The following KCNH1 variants were observed in gnomAD, a reference collection of about 807,000 sequenced individuals.
KCNH1 encodes the protein voltage-gated delayed rectifier potassium channel KCNH1.
KCNH1 carries 27 observed loss-of-function variants against 69.2 expected under a neutral mutation model. The ratio of observed to expected loss-of-function variants is 0.39; its 90% CI spans 0.29 to 0.54. KCNH1 has a LOEUF of 0.54. KCNH1 is among the 20% of genes least tolerant of loss of function. The pLI, the probability that KCNH1 is intolerant of heterozygous loss-of-function variation, is 0.68. For missense variants in KCNH1, 798 were observed against 1,261.6 expected, an observed-to-expected ratio of 0.63 and a Z score of 5.57; for synonymous variants, 456 against 487.7, an observed-to-expected ratio of 0.93 and a Z score of 0.86.
chr1:210,742,550 T>C (rs965117036), intron 10 of KCNH1, among the ~76,000 whole-genome samples: 4 of 152,198 alleles, frequency 2.6e-5, no homozygotes, highest in Non-Finnish European at 4.4e-5. Context: ...GTGGTTCTTA[T>C]TGGATGGTGC....
chr1:211,078,934 A>AAAAAAAAAAAAG (rs1553377558), intron 5 of KCNH1, among the ~76,000 whole-genome samples: 9 of 142,362 alleles, frequency 6.3e-5, no homozygotes, highest in East Asian at 2.0e-4. Flanking sequence ...AAAAAAAAAA[A>AAAAAAAAAAAAG]AAAGAAAGAA....
In KCNH1 at chr1:211,032,873, A is replaced by G. The variant is rs190004705; in HGVS notation, c.559-13617T>C. ...ATGGGCAAGGACTTCACATCTAAAC[A>G]CCAAAAGCAATGTCAACAAAAGCCA... On this transcript the variant is annotated intron_variant, in intron 5 of 10. Coordinates refer to ENST00000271751, the MANE Select transcript of KCNH1 (RefSeq NM_172362.3). Among the ~76,000 whole-genome samples, 485 of 152,328 alleles carry G rather than the reference A, an allele frequency of 3.2e-3. 1 individual carries two copies. The highest frequency in any genetic ancestry group is 0.011 in the African/African-American group (459 of 41,582).
Position 210,687,746 on chromosome 1 carries a change from A to G in KCNH1, c.2113-3608T>C, listed in dbSNP as rs373305063. Among the ~76,000 whole-genome samples, 11 of 152,306 alleles carry G rather than the reference A, an allele frequency of 7.2e-5. 1 individual carries two copies. The East Asian group carries it at 2.1e-3, about 29-fold the overall frequency. ...GTCTGTCTCAGAGGCAGCCATGACCACGCATTTTGCCAAGTATTTTAGATC... is the reference window on the plus strand; with the variant it reads ...GTCTGTCTCAGAGGCAGCCATGACCGCGCATTTTGCCAAGTATTTTAGATC... On this transcript the variant is annotated intron_variant, in intron 10 of 10. Transcript: ENST00000271751.
intron 5 of KCNH1, among the ~76,000 whole-genome samples, chr1:211,045,047 T>TAG (rs1207747329): frequency 1.4e-3 from 179 of 127,896 alleles, no homozygotes; most frequent in East Asian, 2.6e-3. Context: ...GGGGGATATA[T>TAG]ATATATATAT....
chr1:210,775,668 G>A (rs946476728), intron 9 of KCNH1, 124 bp from the exon 10 acceptor site: 10 of 645,560 alleles, frequency 1.5e-5, no homozygotes, highest in Non-Finnish European at 2.4e-5. Context: ...CTCAGAGAAG[G>A]CAAACACTAT....
chr1:211,056,901 T>C (rs1391925372), intron 5 of KCNH1, among the ~76,000 whole-genome samples: 3 of 152,168 alleles, frequency 2.0e-5, no homozygotes, highest in African/African-American at 7.2e-5. Context: ...TCCCTTTGAA[T>C]ACATGGAAAG....
At chr1:210,967,502 T>G (rs1688430046) in intron 6 of KCNH1, among the ~76,000 whole-genome samples, 1 of 151,692 alleles carries the variant, frequency 6.6e-6, no homozygotes, top group Admixed American at 6.6e-5. Flanking sequence ...AGAAAAAAAA[T>G]CACTTTATCT....
At chr1:210,967,986 T>C (rs1177218790) in intron 6 of KCNH1, among the ~76,000 whole-genome samples, 2 of 152,194 alleles carry the variant, frequency 1.3e-5, no homozygotes, top group East Asian at 3.9e-4. Flanking sequence ...CATCTAGCAT[T>C]AGATATATCT....
intron 5 of KCNH1, among the ~76,000 whole-genome samples, chr1:211,051,360 A>G (rs964028989): frequency 2.0e-5 from 3 of 152,044 alleles, no homozygotes; most frequent in African/African-American, 7.2e-5. Context: ...CCTGAAACCA[A>G]AGCTTTCCCA....
chr1:210,764,857 G>A (rs1683592499), intron 10 of KCNH1, among the ~76,000 whole-genome samples: 1 of 152,102 alleles, frequency 6.6e-6, no homozygotes, highest in African/African-American at 2.4e-5. Flanking sequence ...CCCATTACTG[G>A]TTATAAACCC....
chr1:210,788,591 C>T (rs1684147174), intron 9 of KCNH1, among the ~76,000 whole-genome samples: 1 of 151,958 alleles, frequency 6.6e-6, no homozygotes, highest in African/African-American at 2.4e-5. Flanking sequence ...TGGTCTCCGC[C>T]TCCACCCTCT....
chr1:211,019,768 T>C (rs767446895), intron 5 of KCNH1, among the ~76,000 whole-genome samples: 9 of 152,198 alleles, frequency 5.9e-5, no homozygotes, highest in Non-Finnish European at 1.3e-4. Context: ...AAAACAAGTG[T>C]TAACAAATTT....
At chr1:211,114,295 G>A (rs1691527801) in intron 1 of KCNH1, among the ~76,000 whole-genome samples, 1 of 152,094 alleles carries the variant, frequency 6.6e-6, no homozygotes, top group Admixed American at 6.5e-5. Context: ...GGGTAGAAGT[G>A]CAATCTGAAC....
intron 4 of KCNH1, among the ~76,000 whole-genome samples, chr1:211,088,162 G>C (rs1182393707): frequency 2.0e-5 from 3 of 152,168 alleles, no homozygotes; most frequent in Non-Finnish European, 4.4e-5. Flanking sequence ...CATCCCATGG[G>C]ACAATGCCAA....
chr1:210,918,459 A>G (rs1420273552), intron 7 of KCNH1, among the ~76,000 whole-genome samples: 1 of 152,222 alleles, frequency 6.6e-6, no homozygotes, highest in East Asian at 1.9e-4. Flanking sequence ...CAATCCACTC[A>G]AACTTGTTTG....
intron 10 of KCNH1, among the ~76,000 whole-genome samples, chr1:210,707,595 A>G (rs1009525659): frequency 6.6e-6 from 1 of 152,206 alleles, no homozygotes; most frequent in Non-Finnish European, 1.5e-5. Context: ...TTCAGCCAGG[A>G]AGCCGGCTGG....
rs534741278 is a variant in KCNH1 at position 210,986,139 on chromosome 1, G to A, written c.1032+32644C>T. Among the ~76,000 whole-genome samples, 3 of 152,238 alleles carry A rather than the reference G, an allele frequency of 2.0e-5. No homozygotes were observed. In the South Asian group the frequency reaches 6.2e-4, roughly 32 times the overall value. On this transcript the variant is annotated intron_variant, in intron 6 of 10. Coordinates refer to ENST00000271751, the MANE Select transcript of KCNH1 (RefSeq NM_172362.3). ...TTTTTTGTTCTCCATTTGCTTAGTA[G>A]ATCTTCCTCCATCCCTTTATTTTGA...
intron 6 of KCNH1, among the ~76,000 whole-genome samples, chr1:210,954,213 T>C (rs1358146867): frequency 6.6e-6 from 1 of 152,196 alleles, no homozygotes; most frequent in Non-Finnish European, 1.5e-5. Flanking sequence ...GCATCGTCCA[T>C]GTCCCAGAAA....
chr1:211,112,339 G>A (rs1691487441), intron 1 of KCNH1, among the ~76,000 whole-genome samples: 2 of 141,108 alleles, frequency 1.4e-5, no homozygotes, highest in African/African-American at 2.6e-5. Context: ...TGGGAAGCGA[G>A]GAGTGCCTCT....
Sources: allele counts gnomAD v4.1 joint callset (sites outside exome capture counted in the v4.1 genomes callset), GRCh38; gene constraint gnomAD v4.1.1; transcripts MANE v1.5; gene names NCBI Gene and HGNC (gene_info 2026-07-23, HGNC 2026-07-21).